The following ISM1 variants were observed in gnomAD, a reference collection of about 807,000 sequenced individuals.
ISM1 encodes isthmin-1.
A neutral mutation model predicts 46.3 loss-of-function variants in ISM1; 25 were observed. The ratio of observed to expected loss-of-function variants is 0.54; its 90% CI spans 0.39 to 0.75. The LOEUF is 0.75. Among genes scored for constraint, ISM1 ranks in the 30% least tolerant of loss-of-function variants. The pLI is 0.00. For synonymous variants in ISM1, 255 were observed against 256.7 expected (o/e 0.99, Z 0.06); for missense variants, 536 against 625.4 (o/e 0.86, Z 1.52).
intron 5 of ISM1, among the ~76,000 whole-genome samples, chr20:13,295,549 G>A (rs2040399069): frequency 2.0e-5 from 3 of 152,126 alleles, no homozygotes; most frequent in African/African-American, 7.2e-5. Flanking sequence ...CGATGCTATT[G>A]CAGTCTGTGT....
At chr20:13,242,405 G>A (rs1338862452) in intron 1 of ISM1, among the ~76,000 whole-genome samples, 1 of 152,202 alleles carries the variant, frequency 6.6e-6, no homozygotes, top group Non-Finnish European at 1.5e-5. Context: ...GGAAGAAAAA[G>A]TCAGGAGTTA....
intron 5 of ISM1, among the ~76,000 whole-genome samples, chr20:13,298,314 C>A (rs2040426216): frequency 6.6e-6 from 1 of 152,048 alleles, no homozygotes; most frequent in Admixed American, 6.5e-5. Flanking sequence ...ACCTTGTTGG[C>A]CAGGCTGGTC....
At chr20:13,272,147 T>C (rs2040122490) in intron 2 of ISM1, among the ~76,000 whole-genome samples, 1 of 152,154 alleles carries the variant, frequency 6.6e-6, no homozygotes, top group Non-Finnish European at 1.5e-5. Context: ...CTTTTTCCTC[T>C]CTGGACCAAA....
Position 13,221,671 on chromosome 20 carries a change from G to T in ISM1, c.-106G>T, listed in dbSNP as rs1164679642. 9.8e-7 allele frequency: 1 copy of T among 1,016,092 alleles called. No individual in the cohort carries two copies. The highest frequency in any genetic ancestry group is 1.2e-6 in the Non-Finnish European group (1 of 800,922). 62.9% of individuals were successfully genotyped at this position (1,016,092 alleles called of 1,614,324 possible). On this transcript the variant is annotated 5_prime_UTR_variant, in exon 1 of 6. Transcript: ENST00000262487. ...GCGGAGCCCTGGCGGGAGCCGAGGCGGGAGCCGCGCTGCCGGGCTCCCGGG... is the reference window on the plus strand; with the variant it reads ...GCGGAGCCCTGGCGGGAGCCGAGGCTGGAGCCGCGCTGCCGGGCTCCCGGG...
At chr20:13,235,927 C>CTTTTTTT in intron 1 of ISM1, among the ~76,000 whole-genome samples, 1 of 149,580 alleles carries the variant, frequency 6.7e-6, no homozygotes, top group Non-Finnish European at 1.5e-5. Context: ...TTGTACTTCC[C>CTTTTTTT]TTTTTTCTTT....
At chr20:13,313,975 A>G in the ISM1 span, among the ~76,000 whole-genome samples, 674 of 152,356 alleles carry the variant, frequency 4.4e-3, 3 homozygotes, top group African/African-American at 0.015. Flanking sequence ...GATCAAAAAC[A>G]TAACAGAAAT....
At chr20:13,239,166 G>A in intron 1 of ISM1, 1 of 152,196 alleles carries the variant, frequency 6.6e-6, no homozygotes. Flanking sequence ...TTGAACAGCA[G>A]GTATTAAATA....
intron 1 of ISM1, among the ~76,000 whole-genome samples, chr20:13,259,035 C>A (rs1386783505): frequency 2.6e-5 from 4 of 152,262 alleles, no homozygotes; most frequent in Admixed American, 2.6e-4. Context: ...GTAATCCCAA[C>A]ACTTTGGGAG....
At chr20:13,234,281 G>C (rs570943026) in intron 1 of ISM1, among the ~76,000 whole-genome samples, 2 of 152,190 alleles carry the variant, frequency 1.3e-5, no homozygotes, top group Admixed American at 6.5e-5. Flanking sequence ...ATGTTGCTGC[G>C]AGAGACATGA....
intron 1 of ISM1, among the ~76,000 whole-genome samples, chr20:13,254,175 G>A (rs904670429): frequency 2.0e-5 from 3 of 151,832 alleles, no homozygotes; most frequent in Non-Finnish European, 2.9e-5. Context: ...GGAGGTTGCA[G>A]TGAGCCAAGA....
chr20:13,295,985 G>A (rs555443473), intron 5 of ISM1, among the ~76,000 whole-genome samples: 142 of 152,330 alleles, frequency 9.3e-4, no homozygotes, highest in African/African-American at 3.0e-3. Context: ...CTGGTGTCAC[G>A]TGCTCCTTGA....
downstream of ISM1, among the ~76,000 whole-genome samples, chr20:13,303,727 A>G (rs1026371160): frequency 6.6e-6 from 1 of 152,244 alleles, no homozygotes; most frequent in African/African-American, 2.4e-5. Context: ...TTTATTGAGC[A>G]TATACATACG....
At chr20:13,262,713 A>G (rs2040001349) in intron 1 of ISM1, among the ~76,000 whole-genome samples, 1 of 152,184 alleles carries the variant, frequency 6.6e-6, no homozygotes, top group African/African-American at 2.4e-5. Context: ...AGTATTCAAG[A>G]CACACCAGTG....
intron 4 of ISM1, among the ~76,000 whole-genome samples, chr20:13,291,986 T>C (rs117392888): frequency 6.6e-6 from 1 of 152,166 alleles, no homozygotes; most frequent in Non-Finnish European, 1.5e-5. Flanking sequence ...TGGCTAGTAA[T>C]GATTTCAACG....
intron 1 of ISM1, among the ~76,000 whole-genome samples, chr20:13,226,014 T>C (rs1378857196): frequency 1.3e-5 from 2 of 152,194 alleles, no homozygotes; most frequent in African/African-American, 4.8e-5. Flanking sequence ...TCTCAGTCAG[T>C]TTTAGAATCA....
At position 13,270,702 on chromosome 20, in the gene ISM1, C is replaced by G; in HGVS notation, c.337C>G (p.Leu113Val). ...FLLDLPNFPDLSKADINGQNP... is the reference protein window; with the variant it reads ...FLLDLPNFPDVSKADINGQNP... ...CCTTGATCTACCAAACTTTCCAGAT[C>G]TTTCCAAAGCTGATATCAATGGGCA... Residue 113 changes from leucine (L) to valine (V), a missense_variant, in exon 2 of 6, where the codon CTT (leucine) becomes GTT (valine). This residue lies in a region of ISM1 where 367 missense variants were observed against 376.1 expected (regional missense o/e 0.98). Transcript: ENST00000262487. 6.2e-7 allele frequency: 1 copy of G among 1,613,874 alleles called. No individual in the cohort carries two copies. Among genetic ancestry groups the G allele is most frequent in the East Asian group, 2.2e-5 (1 of 44,872 alleles).
At chr20:13,256,256 C>T (rs6074575) in intron 1 of ISM1, among the ~76,000 whole-genome samples, 16,008 of 151,894 alleles carry the variant, frequency 0.11, 1,154 homozygotes, top group East Asian at 0.19. Context: ...ATTAGCCAGG[C>T]GTGGTGGCGG....
intron 1 of ISM1, among the ~76,000 whole-genome samples, chr20:13,230,122 T>A (rs769199180): frequency 1.3e-5 from 2 of 152,210 alleles, no homozygotes; most frequent in African/African-American, 2.4e-5. Context: ...TGTCTATTCA[T>A]TTGGTCAAGA....
chr20:13,262,188 A>G (rs2039996254), intron 1 of ISM1, among the ~76,000 whole-genome samples: 1 of 151,966 alleles, frequency 6.6e-6, no homozygotes, highest in African/African-American at 2.4e-5. Context: ...TATTTGCTCA[A>G]AGTTTGACTT....
Sources: gnomAD v4.1 joint callset for allele counts (sites outside exome capture counted in the v4.1 genomes callset) on GRCh38, gnomAD v4.1.1 for gene constraint, gnomAD v4.1.1 regional missense constraint, MANE v1.5 for transcripts, NCBI Gene and HGNC (gene_info 2026-07-23, HGNC 2026-07-21) for gene names.